The following KIAA1210 variants were observed in gnomAD, a reference collection of about 807,000 sequenced individuals.
KIAA1210 encodes the protein acrosomal protein KIAA1210.
A neutral mutation model predicts 78.9 loss-of-function variants in KIAA1210; 48 were observed. The ratio of observed to expected loss-of-function variants is 0.61; its 90% CI spans 0.48 to 0.77. KIAA1210 has a LOEUF of 0.77. Ranked by LOEUF, KIAA1210 falls within the 30% of genes least tolerant of loss-of-function variation. KIAA1210 has a pLI of 0.00. For synonymous variants in KIAA1210, 406 were observed against 404.5 expected (o/e 1.00, Z -0.04); for missense variants, 1,108 against 1,100.0 (o/e 1.01, Z -0.10).
Position 119,080,990 on chromosome X carries a change from C to T in KIAA1210, c.*339G>A. On this transcript the variant is annotated 3_prime_UTR_variant, in exon 12 of 12. Coordinates refer to ENST00000691062, the MANE Select transcript of KIAA1210 (RefSeq NM_001394962.1). Reference sequence around the variant, plus strand: ...TTTAAAACGCTGATGCTTGGCCGGGCGCGGTGGCTCACGCCTGTAATCCCA... The same window carrying T: ...TTTAAAACGCTGATGCTTGGCCGGGTGCGGTGGCTCACGCCTGTAATCCCA... 1 of 140,324 alleles carries T rather than the reference C, an allele frequency of 7.1e-6. No individual in the cohort carries two copies. Among genetic ancestry groups the T allele is most frequent in the Non-Finnish European group, 1.4e-5 (1 of 71,474 alleles). The allele number at this position is 140,324 out of a possible 1,213,427, so 11.6% of individuals were successfully genotyped here. A position where few individuals can be genotyped will look rare whatever the true frequency, so the allele number is the denominator to read the frequency against.
At chrX:119,082,920 G>A in intron 11 of KIAA1210, 95 bp downstream of exon 11, 2 of 509,400 alleles carry the variant, frequency 3.9e-6, no homozygotes, top group Middle Eastern at 3.4e-4. Flanking sequence ...GCTGACTTAA[G>A]GTAAGAGACA....
At chrX:119,112,285 C>G (rs1178488081) in intron 3 of KIAA1210, among the ~76,000 whole-genome samples, 1 of 111,063 alleles carries the variant, frequency 9.0e-6, no homozygotes, top group Non-Finnish European at 1.9e-5. Context: ...TAAAAATGTT[C>G]GTGCATCAAA....
In KIAA1210 at chrX:119,089,087, C is replaced by T; in HGVS notation, c.1615G>A (p.Ala539Thr). ...QEAFSFDLQKAQSKMESAQDV... is the reference protein window; with the variant it reads ...QEAFSFDLQKTQSKMESAQDV... ...TGGGCTGACTCCATTTTGGATTGGGCCTTTTGTAAATCAAAGCTGAAAGCT... is the reference window on the plus strand; with the variant it reads ...TGGGCTGACTCCATTTTGGATTGGGTCTTTTGTAAATCAAAGCTGAAAGCT... Residue 539 changes from alanine (A) to threonine (T), a missense_variant, in exon 9 of 12, where the codon GCC becomes ACC. Coordinates refer to ENST00000691062, the MANE Select transcript of KIAA1210 (RefSeq NM_001394962.1). 1.7e-6 allele frequency: 2 copies of T among 1,211,806 alleles called. No homozygotes were observed. Among genetic ancestry groups the T allele is most frequent in the Non-Finnish European group, 2.2e-6 (2 of 895,392 alleles).
rs1603268044 is a variant in KIAA1210 at position 119,108,243 on chromosome X, G to T, written c.492+94C>A. 8.0e-6 allele frequency: 7 copies of T among 880,046 alleles called. No individual in the cohort carries two copies. The East Asian group carries it at 2.2e-4, about 28-fold the overall frequency. 72.5% of individuals were successfully genotyped at this position (880,046 alleles called of 1,213,427 possible). On this transcript the variant is annotated intron_variant, in intron 5 of 11. Transcript: ENST00000691062. ...GAGAAGTTAATCAACTAGCCCAGGG[G>T]TCACACAGCCAGTAAGTAGCAGAGT...
Position 119,089,379 on chromosome X carries a change from C to T in KIAA1210, c.1323G>A (p.Met441Ile), listed in dbSNP as rs368803730. The change falls in exon 9 of 12, where the codon ATG (methionine) becomes ATA (isoleucine). Residue 441 changes from methionine (M) to isoleucine (I), a missense_variant. Transcript: ENST00000691062. ...PQGLLSDKDDMGRRNAGIDFG... is the reference protein window; with the variant it reads ...PQGLLSDKDDIGRRNAGIDFG... ...AATCTATGCCAGCATTTCTCCTTCC[C>T]ATGTCATCTTTATCTGAAAGCAACC... The T allele has an allele frequency of 3.3e-6, 4 of 1,211,596 alleles. No homozygotes were observed. Among genetic ancestry groups the T allele is most frequent in the Middle Eastern group, 2.3e-4 (1 of 4,353 alleles).
Position 119,088,057 on chromosome X carries a change from G to A in KIAA1210, c.2645C>T (p.Ser882Leu), listed in dbSNP as rs760842566. ...PLPPRCLSQP[S>L]ERPKFLDSMS... ...TGAGTCCAGGAACTTAGGCCTCTCCGAGGGCTGGGAAAGGCATCTGGGAGG... is the reference window on the plus strand; with the variant it reads ...TGAGTCCAGGAACTTAGGCCTCTCCAAGGGCTGGGAAAGGCATCTGGGAGG... The change falls in exon 9 of 12, where the codon TCG becomes TTG. Residue 882 changes from serine to leucine, a missense_variant. Physicochemically the swap from Ser to Leu is moderately radical, Grantham distance 145. Coordinates refer to ENST00000691062, the MANE Select transcript of KIAA1210 (RefSeq NM_001394962.1). 8.3e-7 allele frequency: 1 copy of A among 1,211,216 alleles called. No individual in the cohort carries two copies. The highest frequency in any genetic ancestry group is 1.8e-5 in the South Asian group (1 of 56,925).
In KIAA1210 at chrX:119,089,720, T is replaced by G; in HGVS notation, c.982A>C (p.Lys328Gln). Residue 328 changes from lysine to glutamine, a missense_variant, in exon 9 of 12, where the codon AAA becomes CAA. Physicochemically the swap from Lys to Gln is moderately conservative, Grantham distance 53 (BLOSUM62 1). Transcript: ENST00000691062. Reference sequence around the variant, plus strand: ...GTCTTCTTATCATACATCTCAGTTTTGTTGTTCTGTTTCTGGCTTGAGGAA... The same window carrying G: ...GTCTTCTTATCATACATCTCAGTTTGGTTGTTCTGTTTCTGGCTTGAGGAA... ...ADSSSQKQNNKTEMYDKKTTD... is the reference protein window; with the variant it reads ...ADSSSQKQNNQTEMYDKKTTD... The G allele has an allele frequency of 8.3e-7, 1 of 1,206,405 alleles. No individual in the cohort carries two copies. Among genetic ancestry groups the G allele is most frequent in the Non-Finnish European group, 1.1e-6 (1 of 893,553 alleles).
chrX:119,138,438 C>T (rs1928972203), intron 2 of KIAA1210, among the ~76,000 whole-genome samples: 1 of 110,364 alleles, frequency 9.1e-6, no homozygotes, highest in African/African-American at 3.3e-5. Context: ...AGGCTGGTCT[C>T]GAACTCCTGA....
chrX:119,141,573 A>G (rs1603273084), intron 2 of KIAA1210, among the ~76,000 whole-genome samples: 2 of 112,448 alleles, frequency 1.8e-5, no homozygotes, highest in South Asian at 3.7e-4. Flanking sequence ...AAAATGTTCA[A>G]ATTAGATGGG....
At position 119,123,873 on chromosome X, in the gene KIAA1210, C is replaced by T. The variant is rs758315087; in HGVS notation, c.-10-221G>A. On this transcript the variant is annotated intron_variant, in intron 1 of 11. Coordinates refer to ENST00000691062, the MANE Select transcript of KIAA1210 (RefSeq NM_001394962.1). Reference sequence around the variant, plus strand: ...ATAAAATGTCCAGAATAGGCAAATACGTAGACACAGAGAATGTCTTGCTCA... The same window carrying T: ...ATAAAATGTCCAGAATAGGCAAATATGTAGACACAGAGAATGTCTTGCTCA... Among the ~76,000 whole-genome samples, 13 of 112,034 alleles carry T rather than the reference C, an allele frequency of 1.2e-4. 1 individual carries two copies. The highest frequency in any genetic ancestry group is 7.5e-4 in the South Asian group (2 of 2,678).
At chrX:119,138,511 G>A (rs781092737) in intron 2 of KIAA1210, among the ~76,000 whole-genome samples, 11 of 111,507 alleles carry the variant, frequency 9.9e-5, no homozygotes, top group Admixed American at 5.7e-4. Context: ...GAGCCACTGC[G>A]CCAGGCCGAG....
intron 3 of KIAA1210, among the ~76,000 whole-genome samples, chrX:119,114,465 A>G (rs1928187751): frequency 8.9e-6 from 1 of 112,439 alleles, no homozygotes; most frequent in Non-Finnish European, 1.9e-5. Flanking sequence ...GGATATATAT[A>G]TGATTGATCC....
intron 10 of KIAA1210, 31 bp from the exon 11 acceptor site, chrX:119,083,151 G>A: frequency 9.1e-7 from 1 of 1,101,930 alleles, no homozygotes; most frequent in Non-Finnish European, 1.2e-6. Flanking sequence ...CAGAAAGCTT[G>A]TAAGTTCTGA....
At chrX:119,129,973 C>T (rs1198706777), upstream of KIAA1210, among the ~76,000 whole-genome samples, 1 of 111,888 alleles carries the variant, frequency 8.9e-6, no homozygotes. Flanking sequence ...AAATTTGTCC[C>T]TTAATCATAC....
Position 119,088,722 on chromosome X carries a change from G to A in KIAA1210, c.1980C>T (p.Cys660=). 1 of 1,210,388 alleles carries A rather than the reference G, an allele frequency of 8.3e-7. No individual in the cohort carries two copies. The change falls in exon 9 of 12, where the codon TGC becomes TGT. Residue 660 remains cysteine, a synonymous_variant. Coordinates refer to ENST00000691062, the MANE Select transcript of KIAA1210 (RefSeq NM_001394962.1). ...SSSEEELDLR[C]LSQALEEPED... Reference sequence around the variant, plus strand: ...CAGGCTCCTCTAAAGCCTGGGAGAGGCATCTGAGGTCCAGCTCCTCCTCAG... The same window carrying A: ...CAGGCTCCTCTAAAGCCTGGGAGAGACATCTGAGGTCCAGCTCCTCCTCAG...
chrX:119,116,379 G>T, intron 3 of KIAA1210, 117 bp downstream of exon 3: 2 of 705,536 alleles, frequency 2.8e-6, no homozygotes, highest in Non-Finnish European at 2.1e-6. Flanking sequence ...TGCAAGCCTG[G>T]CCCCCACAGG....
Position 119,137,047 on chromosome X carries a change from A to G in KIAA1210, c.410+10426T>C, listed in dbSNP as rs1294609306. Among the ~76,000 whole-genome samples the G allele has an allele frequency of 4.4e-5, 5 of 112,761 alleles. No homozygotes were observed. In the East Asian group the frequency reaches 1.1e-3, roughly 25 times the overall value. ...AACCCCAAGGTCTTTATGCACAGCT[A>G]CTATGTGCTTAGACCTGTTTCAGGT... On this transcript the variant is annotated intron_variant, in intron 2 of 13. Transcript: ENST00000402510.
intron 3 of KIAA1210, among the ~76,000 whole-genome samples, chrX:119,114,652 G>A (rs1928195998): frequency 8.9e-6 from 1 of 111,905 alleles, no homozygotes; most frequent in Admixed American, 9.5e-5. Context: ...AAAAGTGAGA[G>A]GAAATCTTGG....
At position 119,115,600 on chromosome X, in the gene KIAA1210, A is replaced by C. The variant is rs777168507; in HGVS notation, c.230+896T>G. Reference sequence around the variant, plus strand: ...ATGTATTGGGGGAGATATTGGGGACAGTATAACATGTCAGCTAACTGCCTC... The same window carrying C: ...ATGTATTGGGGGAGATATTGGGGACCGTATAACATGTCAGCTAACTGCCTC... On this transcript the variant is annotated intron_variant, in intron 3 of 11. Coordinates refer to ENST00000691062, the MANE Select transcript of KIAA1210 (RefSeq NM_001394962.1). Among the ~76,000 whole-genome samples, 195 of 112,338 alleles carry C rather than the reference A, an allele frequency of 1.7e-3. 1 individual carries two copies. Among genetic ancestry groups the C allele is most frequent in the African/African-American group, 6.1e-3 (188 of 30,933 alleles).
Sources: allele counts gnomAD v4.1 joint callset (sites outside exome capture counted in the v4.1 genomes callset), GRCh38; gene constraint gnomAD v4.1.1; transcripts MANE v1.5; gene names NCBI Gene and HGNC (gene_info 2026-07-23, HGNC 2026-07-21).